Variants in ANXA8 observed in about 807,000 individuals in gnomAD.
ANXA8 encodes annexin A8, also known as VAC-beta.
A neutral mutation model predicts 26.8 loss-of-function variants in ANXA8; 9 were observed. That is an observed-to-expected ratio of 0.34 (90% CI 0.20 to 0.59). The LOEUF is 0.59. ANXA8 is among the 20% of genes least tolerant of loss of function. The pLI is 0.84. For missense variants in ANXA8, 83 were observed against 238.5 expected (o/e 0.35, Z 4.29); for synonymous variants, 39 against 94.8 (o/e 0.41, Z 3.42).
At chr10:47,735,056 G>A in the ANXA8 span, among the ~76,000 whole-genome samples, 1 of 149,250 alleles carries the variant, frequency 6.7e-6, no homozygotes, top group Non-Finnish European at 1.5e-5. Flanking sequence ...AAAAAAAAAC[G>A]TTTTCCTTTA....
At chr10:47,778,622 T>A in the ANXA8 span, among the ~76,000 whole-genome samples, 17 of 151,888 alleles carry the variant, frequency 1.1e-4, no homozygotes, top group Admixed American at 9.8e-4. Flanking sequence ...TTTATTTTTT[T>A]AAATAAATAT....
the ANXA8 span, among the ~76,000 whole-genome samples, chr10:47,991,525 C>A: frequency 5.4e-5 from 8 of 149,494 alleles, no homozygotes; most frequent in Non-Finnish European, 1.2e-4. Flanking sequence ...TGTTTCTTCT[C>A]GGCCCCTTCC....
chr10:47,762,345 G>A, the ANXA8 span, among the ~76,000 whole-genome samples: 1 of 145,834 alleles, frequency 6.9e-6, no homozygotes, highest in African/African-American at 2.5e-5. Context: ...CACCTGGGGC[G>A]GGCCAAAAAG....
At chr10:47,514,248 C>G in the ANXA8 span, among the ~76,000 whole-genome samples, 8 of 147,446 alleles carry the variant, frequency 5.4e-5, no homozygotes, top group Non-Finnish European at 9.0e-5. Context: ...GATATACATA[C>G]ATATTATATA....
the ANXA8 span, among the ~76,000 whole-genome samples, chr10:47,976,980 G>T: frequency 2.5e-5 from 2 of 78,978 alleles, 1 homozygote; most frequent in Non-Finnish European, 6.0e-5. Flanking sequence ...CACGTGCAGG[G>T]TTGTACACAT....
chr10:47,960,539 C>T, the ANXA8 span, among the ~76,000 whole-genome samples: 1 of 149,926 alleles, frequency 6.7e-6, no homozygotes, highest in African/African-American at 2.5e-5. Context: ...TATGCATATG[C>T]TAAGAAGCTG....
the ANXA8 span, among the ~76,000 whole-genome samples, chr10:47,699,165 A>G: frequency 6.6e-6 from 1 of 150,684 alleles, no homozygotes; most frequent in African/African-American, 2.4e-5. Context: ...TGGCCAACAT[A>G]GCAAAACCCT....
chr10:47,587,765 G>T, the ANXA8 span, among the ~76,000 whole-genome samples: 1 of 146,564 alleles, frequency 6.8e-6, no homozygotes, highest in Non-Finnish European at 1.5e-5. Context: ...TGTGCTTCCA[G>T]TGTCAGTGTG....
chr10:47,744,439 A>AGGGG, the ANXA8 span, among the ~76,000 whole-genome samples: 4 of 23,792 alleles, frequency 1.7e-4, no homozygotes, highest in Non-Finnish European at 2.2e-4. Flanking sequence ...GGAGGGGGGA[A>AGGGG]GAGGGGGGGC....
At chr10:47,969,561 TC>T in the ANXA8 span, among the ~76,000 whole-genome samples, 2 of 145,222 alleles carry the variant, frequency 1.4e-5, no homozygotes, top group African/African-American at 5.0e-5. Context: ...CTGATGGAGT[TC>T]CTTGGCCAGC....
At chr10:47,513,119 C>T in the ANXA8 span, among the ~76,000 whole-genome samples, 1 of 147,984 alleles carries the variant, frequency 6.8e-6, no homozygotes. Context: ...ACTGCAACCT[C>T]TGCCTCCGAG....
the ANXA8 span, among the ~76,000 whole-genome samples, chr10:47,617,737 T>A: frequency 6.7e-6 from 1 of 148,356 alleles, no homozygotes; most frequent in Non-Finnish European, 1.5e-5. Context: ...ATAACTTTGC[T>A]ACTGGTTTCT....
the ANXA8 span, chr10:47,763,685 G>C: frequency 1.8e-5 from 3 of 169,720 alleles, no homozygotes; most frequent in Admixed American, 2.0e-4. Flanking sequence ...GTCACCCCTC[G>C]GCGCGCCCTG....
chr10:47,549,492 G>A, the ANXA8 span: 166,069 of 791,180 alleles, frequency 0.21, 17,341 homozygotes, highest in East Asian at 0.46. Context: ...CACCACATAC[G>A]TTTACAGGAG....
the ANXA8 span, among the ~76,000 whole-genome samples, chr10:47,657,988 A>G: frequency 6.6e-6 from 1 of 151,792 alleles, no homozygotes; most frequent in Admixed American, 6.6e-5. Context: ...CAGAAGCTTC[A>G]TAGAATGCTT....
chr10:47,651,374 G>C, the ANXA8 span, among the ~76,000 whole-genome samples: 1 of 151,446 alleles, frequency 6.6e-6, no homozygotes, highest in Non-Finnish European at 1.5e-5. Context: ...CTTACTTATA[G>C]AGATGTAAAA....
the ANXA8 span, among the ~76,000 whole-genome samples, chr10:47,645,846 C>T: frequency 1.7e-4 from 25 of 149,662 alleles, no homozygotes; most frequent in Admixed American, 1.5e-3. Context: ...TTTAATCTGT[C>T]TTCTTGAGCT....
the ANXA8 span, among the ~76,000 whole-genome samples, chr10:47,735,452 C>G: frequency 6.7e-6 from 1 of 148,934 alleles, no homozygotes; most frequent in Non-Finnish European, 1.5e-5. Flanking sequence ...GAAAAGTAAC[C>G]CTTCTGTTAT....
the ANXA8 span, among the ~76,000 whole-genome samples, chr10:47,575,198 C>CAAAAAA: frequency 1.0e-4 from 11 of 107,280 alleles, no homozygotes; most frequent in African/African-American, 1.9e-4. Flanking sequence ...GAGTGAAACT[C>CAAAAAA]AAAAAAAAAA....
Sources: allele counts gnomAD v4.1 joint callset (sites outside exome capture counted in the v4.1 genomes callset), GRCh38; gene constraint gnomAD v4.1.1; transcripts MANE v1.5; gene names NCBI Gene and HGNC (gene_info 2026-07-23, HGNC 2026-07-21).